The following BRCA2 variants were observed in gnomAD, a reference collection of about 807,000 sequenced individuals.
The protein encoded by BRCA2 is breast cancer type 2 susceptibility protein.
In BRCA2, 203 loss-of-function variants were observed where a neutral mutation model predicts 276.7. The ratio of observed to expected loss-of-function variants is 0.73; its 90% confidence interval spans 0.65 to 0.82. The LOEUF is 0.82. Ranked by LOEUF, BRCA2 falls within the 40% of genes least tolerant of loss-of-function variation. The pLI is 0.00. For missense variants in BRCA2, 3,920 were observed against 3,915.0 expected, an observed-to-expected ratio of 1.00 and a Z score of -0.03; for synonymous variants, 1,289 against 1,338.4, an observed-to-expected ratio of 0.96 and a Z score of 0.81.
rs191744583 is a variant in BRCA2, at chr13:32,337,435, G to A, written c.3080G>A (p.Ser1027Asn). ...IKLSEHNIKK[S>N]KMFFKDIEEQ... ...CTCTCTGAACATAACATTAAGAAGA[G>A]CAAAATGTTCTTCAAAGATATTGAA... Residue 1027 changes from serine (S) to asparagine (N), a missense_variant, in exon 11 of 27, where the codon AGC (serine) becomes AAC (asparagine). Physicochemically the swap from Ser to Asn is conservative, Grantham distance 46. Coordinates refer to ENST00000380152, the MANE Select transcript of BRCA2 (RefSeq NM_000059.4). 1 of 1,612,870 alleles carries A rather than the reference G, an allele frequency of 6.2e-7. No individual in the cohort carries two copies. Among genetic ancestry groups the A allele is most frequent in the East Asian group, 2.2e-5 (1 of 44,834 alleles).
intron 13 of BRCA2, among the ~76,000 whole-genome samples, chr13:32,350,967 G>A (rs2072645519): frequency 6.6e-6 from 1 of 152,048 alleles, no homozygotes; most frequent in Non-Finnish European, 1.5e-5. Context: ...TCTAGCTAAA[G>A]GTTTGTAAAC....
chr13:32,396,999 G>GC lies in BRCA2; in HGVS notation c.9605dup (p.Tyr3203ValfsTer19). ...CCCCAACTAAAGACTGTACTTCAGG[G>GC]CCGTACACTGCTCAAATCATTCCTG... On this transcript the variant is annotated frameshift_variant, in exon 26 of 27. Transcript: ENST00000380152. LOFTEE classifies it low-confidence loss of function (END_TRUNC). The GC allele has an allele frequency of 6.2e-7, 1 of 1,614,084 alleles. No homozygotes were observed. The highest frequency in any genetic ancestry group is 8.5e-7 in the Non-Finnish European group (1 of 1,179,966).
intron 20 of BRCA2, among the ~76,000 whole-genome samples, chr13:32,371,636 T>C (rs2072835568): frequency 6.6e-6 from 1 of 152,066 alleles, no homozygotes; most frequent in African/African-American, 2.4e-5. Flanking sequence ...TCTGCAGAAA[T>C]ATTGCTCCTT....
Position 32,360,418 on chromosome 13 carries a change from G to A in BRCA2, c.7806-2105G>A, listed in dbSNP as rs182680171. 1.1e-3 allele frequency among the ~76,000 whole-genome samples: 166 copies of A among 152,266 alleles called. No individual in the cohort carries two copies. The highest frequency in any genetic ancestry group is 3.9e-3 in the African/African-American group (160 of 41,554). On this transcript the variant is annotated intron_variant, in intron 16 of 26. Transcript: ENST00000380152. ...TCTATTGCTCAGGCTGGAGTGCAGT[G>A]GTGCAATCTCGGCTCACTGCAGCCT...
At chr13:32,371,422 A>G (rs1473010272) in intron 20 of BRCA2, among the ~76,000 whole-genome samples, 4 of 152,134 alleles carry the variant, frequency 2.6e-5, no homozygotes, top group Admixed American at 2.6e-4. Flanking sequence ...GTCAATTTTA[A>G]TATTAAAAAT....
In BRCA2 at chr13:32,345,631, A is replaced by T. The variant is rs11571676; in HGVS notation, c.6937+978A>T. On this transcript the variant is annotated intron_variant, in intron 12 of 26. Coordinates refer to ENST00000380152, the MANE Select transcript of BRCA2 (RefSeq NM_000059.4). ...ATGCTTGGGACCAGGACTATTTCAG[A>T]TTTCAGATTTTTTCAGATTTTGAAA... is the stretch of plus-strand genomic sequence containing the variant. 6.5e-3 allele frequency among the ~76,000 whole-genome samples: 993 copies of T among 152,138 alleles called. 36 individuals are homozygous for T. Among genetic ancestry groups the T allele is most frequent in the East Asian group, 0.046 (241 of 5,192 alleles).
rs28897738 is a variant in BRCA2 at position 32,340,300 on chromosome 13, G to C, written c.5945G>C (p.Ser1982Thr). Residue 1982 changes from serine (S) to threonine (T), a missense_variant, in exon 11 of 27, where the codon AGT (serine) becomes ACT (threonine). This residue lies in a region of BRCA2 where 3,263 missense variants were observed against 3,156.9 expected (regional missense o/e 1.03). Coordinates refer to ENST00000380152, the MANE Select transcript of BRCA2 (RefSeq NM_000059.4). Reference sequence around the variant, plus strand: ...ACTTGTGGGATTTTTAGCACAGCAAGTGGAAAATCTGTCCAGGTATCAGAT... The same window carrying C: ...ACTTGTGGGATTTTTAGCACAGCAACTGGAAAATCTGTCCAGGTATCAGAT... ...ANTCGIFSTA[S>T]GKSVQVSDAS... 6 of 1,613,996 alleles carry C rather than the reference G, an allele frequency of 3.7e-6. No homozygotes were observed. The highest frequency in any genetic ancestry group is 3.4e-6 in the Non-Finnish European group (4 of 1,179,910).
intron 24 of BRCA2, among the ~76,000 whole-genome samples, chr13:32,392,696 CT>C (rs1255252442): frequency 6.6e-6 from 1 of 152,092 alleles, no homozygotes; most frequent in Non-Finnish European, 1.5e-5. Flanking sequence ...CTAGCTTCCC[CT>C]AATGTTAACA....
At chr13:32,397,377 G>C (rs1209753828) in intron 26 of BRCA2, among the ~76,000 whole-genome samples, 1 of 152,172 alleles carries the variant, frequency 6.6e-6, no homozygotes, top group Non-Finnish European at 1.5e-5. Flanking sequence ...AATCACAGTA[G>C]ATGCAAATCA....
chr13:32,385,604 G>C (rs1374348806), intron 24 of BRCA2: 1 of 269,402 alleles, frequency 3.7e-6, no homozygotes, highest in Non-Finnish European at 7.3e-6. Context: ...AAGCAGCCTA[G>C]AGGGCAGAAC....
Position 32,355,268 on chromosome 13 carries a change from A to C in BRCA2, c.7415A>C (p.Lys2472Thr), listed in dbSNP as rs80358963. The C allele has an allele frequency of 2.5e-6, 4 of 1,613,784 alleles. No homozygotes were observed. The highest frequency in any genetic ancestry group is 3.4e-6 in the Non-Finnish European group (4 of 1,179,816). ...SNQAVAVTFT[K>T]CEEEPLDLIT... The stretch of plus-strand genomic sequence containing the variant: ...CAAGCAGTAGCTGTAACTTTCACAA[A>C]GTGTGAAGAAGAACCTTTAGGTATT... The change falls in exon 14 of 27, where the codon AAG (lysine) becomes ACG (threonine). Residue 2472 changes from lysine (K) to threonine (T), a missense_variant. This residue lies in a region of BRCA2 where 3,263 missense variants were observed against 3,156.9 expected (regional missense o/e 1.03). Coordinates refer to ENST00000380152, the MANE Select transcript of BRCA2 (RefSeq NM_000059.4).
intron 3 of BRCA2, among the ~76,000 whole-genome samples, chr13:32,324,780 ACAC>A (rs1469697263): frequency 2.6e-5 from 4 of 151,970 alleles, no homozygotes; most frequent in Non-Finnish European, 5.9e-5. Context: ...GCATATCACC[ACAC>A]CAGCGTTTTC....
intron 20 of BRCA2, among the ~76,000 whole-genome samples, chr13:32,371,475 G>T (rs893018908): frequency 6.6e-6 from 1 of 151,434 alleles, no homozygotes; most frequent in Non-Finnish European, 1.5e-5. Flanking sequence ...TTATTTTTTC[G>T]TATCTCCCTT....
chr13:32,331,082 ATTTT>A, intron 9 of BRCA2, 52 bp downstream of exon 9: 1 of 1,086,330 alleles, frequency 9.2e-7, no homozygotes, highest in African/African-American at 1.6e-5. Flanking sequence ...TGTTGTTTTG[ATTTT>A]TTTTTTTTGA....
At chr13:32,360,819 T>A (rs1477292534) in intron 16 of BRCA2, among the ~76,000 whole-genome samples, 2 of 152,160 alleles carry the variant, frequency 1.3e-5, no homozygotes, top group South Asian at 2.1e-4. Flanking sequence ...AGTTGGACTC[T>A]GGGGTATTTT....
intron 7 of BRCA2, among the ~76,000 whole-genome samples, chr13:32,328,500 A>T (rs2137456594): frequency 6.6e-6 from 1 of 151,558 alleles, no homozygotes; most frequent in Middle Eastern, 3.4e-3. Context: ...TCTCAGCCAC[A>T]TTTTTTTTGT....
At chr13:32,358,078 G>T (rs2072713488) in intron 16 of BRCA2, 149 bp downstream of exon 16, 2 of 824,432 alleles carry the variant, frequency 2.4e-6, no homozygotes, top group African/African-American at 1.7e-5. Flanking sequence ...TAAGCATTCT[G>T]TAGAAGTCTT....
intron 21 of BRCA2, among the ~76,000 whole-genome samples, chr13:32,379,073 TTGG>T (rs2072893412): frequency 6.6e-6 from 1 of 152,204 alleles, no homozygotes; most frequent in Non-Finnish European, 1.5e-5. Context: ...TGTAATGTAG[TTGG>T]TGATGATTAT....
intron 24 of BRCA2, among the ~76,000 whole-genome samples, chr13:32,391,578 A>G (rs926816785): frequency 6.6e-6 from 1 of 152,236 alleles, no homozygotes; most frequent in Non-Finnish European, 1.5e-5. Flanking sequence ...GCACCATGGC[A>G]TCCACTCCAG....
Sources: allele counts gnomAD v4.1 joint callset (sites outside exome capture counted in the v4.1 genomes callset), GRCh38; gene constraint gnomAD v4.1.1; regional missense constraint gnomAD v4.1.1; transcripts MANE v1.5; gene names NCBI Gene and HGNC (gene_info 2026-07-23, HGNC 2026-07-21).